MYOM3: variants seen among roughly 807,000 people sequenced by gnomAD.
MYOM3 encodes the protein myomesin-3.
In MYOM3, 155 loss-of-function variants were observed where a neutral mutation model predicts 191.7. The observed-to-expected ratio is 0.81, with a 90% CI of 0.71 to 0.92. MYOM3 has a LOEUF of 0.92. Among genes scored for constraint, MYOM3 ranks in the 40% least tolerant of loss-of-function variants. The pLI, the probability that MYOM3 is intolerant of heterozygous loss-of-function variation, is 0.00. For missense variants in MYOM3, 1,889 were observed against 1,890.6 expected, an observed-to-expected ratio of 1.00 and a Z score of 0.02; for synonymous variants, 757 against 762.9, an observed-to-expected ratio of 0.99 and a Z score of 0.13.
intron 5 of MYOM3, among the ~76,000 whole-genome samples, chr1:24,105,312 C>T (rs988803689): frequency 3.3e-5 from 5 of 152,384 alleles, no homozygotes; most frequent in Admixed American, 3.3e-4. Flanking sequence ...GCTGAGACCT[C>T]ACGCTGAGTG....
chr1:24,060,711 T>A (rs1643359890), intron 35 of MYOM3, among the ~76,000 whole-genome samples: 1 of 152,204 alleles, frequency 6.6e-6, no homozygotes, highest in South Asian at 2.1e-4. Flanking sequence ...GAGGCTCCAA[T>A]ACCTCGAGAG....
chr1:24,107,944 G>A, intron 3 of MYOM3, 49 bp downstream of exon 3: 1 of 1,534,926 alleles, frequency 6.5e-7, no homozygotes, highest in East Asian at 2.3e-5. Flanking sequence ...GGACTGGACA[G>A]GATGGCCCCT....
In MYOM3 at chr1:24,108,558, G is replaced by C. The variant is rs373675823; in HGVS notation, c.79C>G (p.Arg27Gly). ...QAMEVHRLEH[R>G]QEEEQKEERQ... ...TCCTCCTTCTGCTCCTCCTCCTGCC[G>C]GTGCTCCAGCCTGTGAACCTCCATG... The change falls in exon 2 of 37, where the codon CGG (arginine) becomes GGG (glycine). Residue 27 changes from arginine to glycine, a missense_variant. Physicochemically the swap from Arg to Gly is moderately radical, Grantham distance 125 (BLOSUM62 -2). Transcript: ENST00000374434. The C allele has an allele frequency of 1.3e-6, 2 of 1,579,038 alleles. No homozygotes were observed. Among genetic ancestry groups the C allele is most frequent in the Admixed American group, 3.7e-5 (2 of 54,772 alleles).
At chr1:24,103,496 A>G (rs1189138375) in intron 5 of MYOM3, among the ~76,000 whole-genome samples, 3 of 152,196 alleles carry the variant, frequency 2.0e-5, no homozygotes, top group Non-Finnish European at 2.9e-5. Context: ...AACAGGAATT[A>G]AAAGAAAGTA....
Position 24,071,993 on chromosome 1 carries a change from G to C in MYOM3, c.2989C>G (p.Leu997Val). ...CCTGGGTTTCTGATCTCATGACTCA[G>C]CTTCTTCAGCTTCTCCAGCTCTGGG... ...TEEELEKLKKLSHEIRNPVIK... is the reference protein window; with the variant it reads ...TEEELEKLKKVSHEIRNPVIK... Residue 997 changes from leucine to valine, a missense_variant, in exon 24 of 37, where the codon CTG becomes GTG. Transcript: ENST00000374434. 6.2e-7 allele frequency: 1 copy of C among 1,614,152 alleles called. No homozygotes were observed. The highest frequency in any genetic ancestry group is 8.5e-7 in the Non-Finnish European group (1 of 1,179,998).
chr1:24,058,129 T>A (rs1376433972), intron 36 of MYOM3, among the ~76,000 whole-genome samples: 1 of 152,204 alleles, frequency 6.6e-6, no homozygotes, highest in Non-Finnish European at 1.5e-5. Context: ...TCTACAGGAA[T>A]ACTTACCCAT....
In MYOM3 at chr1:24,057,411, T is replaced by G. The variant is rs747566666; in HGVS notation, c.4267A>C (p.Ser1423Arg). ...YGSETGQVTI[S>R]VFKHGDEPKE... is the part of the protein sequence containing the mutation. ...GGCTCGTCCCCGTGCTTGAACACACTGATGGTGACCTGGCCCGTCTCGGAG... is the reference window on the plus strand; with the variant it reads ...GGCTCGTCCCCGTGCTTGAACACACGGATGGTGACCTGGCCCGTCTCGGAG... The change falls in exon 37 of 37, where the codon AGT becomes CGT. Residue 1423 changes from serine (S) to arginine (R), a missense_variant. Physicochemically the swap from Ser to Arg is moderately radical, Grantham distance 110. Coordinates refer to ENST00000374434, the MANE Select transcript of MYOM3 (RefSeq NM_152372.4). The G allele has an allele frequency of 6.2e-7, 1 of 1,614,156 alleles. No individual in the cohort carries two copies. Among genetic ancestry groups the G allele is most frequent in the Non-Finnish European group, 8.5e-7 (1 of 1,180,042 alleles).
In MYOM3 at chr1:24,093,531, G is replaced by A. The variant is rs74061488; in HGVS notation, c.929-423C>T. Among the ~76,000 whole-genome samples the A allele has an allele frequency of 2.0e-4, 31 of 152,078 alleles. No individual in the cohort carries two copies. The South Asian group carries it at 5.6e-3, about 28-fold the overall frequency. On this transcript the variant is annotated intron_variant, in intron 9 of 36. Transcript: ENST00000374434. ...GTCTCACTGAGAGAGCTGGGGCCTC[G>A]GTGAGGCGGGTGGAGGACGTGTCGT... is the stretch of plus-strand genomic sequence containing the variant.
chr1:24,107,098 C>G lies in MYOM3; in HGVS notation c.377G>C (p.Arg126Pro). The stretch of plus-strand genomic sequence containing the variant: ...CCGCCGCCTCAGCGTCTTCCAGTCC[C>G]GCCTCTGGCGCAGCAGCCGGTGGGT... ...LQTHRLLRQRRDWKTLRRRTE... is the reference protein window; with the variant it reads ...LQTHRLLRQRPDWKTLRRRTE... The change falls in exon 4 of 37, where the codon CGG becomes CCG. Residue 126 changes from arginine to proline, a missense_variant. Physicochemically the swap from Arg to Pro is moderately radical, Grantham distance 103. Transcript: ENST00000374434. 6.2e-7 allele frequency: 1 copy of G among 1,611,324 alleles called. No homozygotes were observed. Among genetic ancestry groups the G allele is most frequent in the Non-Finnish European group, 8.5e-7 (1 of 1,179,042 alleles).
At chr1:24,071,020 A>G (rs1269158988) in intron 25 of MYOM3, 97 bp downstream of exon 25, 17 of 1,427,632 alleles carry the variant, frequency 1.2e-5, no homozygotes, top group Non-Finnish European at 1.6e-5. Flanking sequence ...TGAAATGGCC[A>G]CTAGGGGGAA....
intron 14 of MYOM3, among the ~76,000 whole-genome samples, chr1:24,089,005 C>T (rs1035973167): frequency 6.6e-6 from 1 of 152,062 alleles, no homozygotes; most frequent in Non-Finnish European, 1.5e-5. Flanking sequence ...TGCCATACTG[C>T]CCCCCCTCCA....
In MYOM3 at chr1:24,062,041, A is replaced by T; in HGVS notation, c.3839T>A (p.Ile1280Asn). ...GTTLDEIWLHILDPKDSDKGK... is the reference protein window; with the variant it reads ...GTTLDEIWLHNLDPKDSDKGK... ...CTTGTCTGAGTCTTTGGGGTCCAGG[A>T]TGTGAAGCCAGATCTCATCCAGGGT... Residue 1280 changes from isoleucine (I) to asparagine (N), a missense_variant, in exon 33 of 37, where the codon ATC becomes AAC. Physicochemically the swap from Ile to Asn is moderately radical, Grantham distance 149. Transcript: ENST00000374434. 1.9e-6 allele frequency: 3 copies of T among 1,614,120 alleles called. No homozygotes were observed. The highest frequency in any genetic ancestry group is 1.7e-6 in the Non-Finnish European group (2 of 1,180,022).
At chr1:24,062,344 G>A (rs192903030) in intron 32 of MYOM3, among the ~76,000 whole-genome samples, 1 of 152,150 alleles carries the variant, frequency 6.6e-6, no homozygotes, top group South Asian at 2.1e-4. Flanking sequence ...GCTGTCCTCT[G>A]TTCCCAGTGT....
At chr1:24,066,877 C>T (rs887823261) in intron 28 of MYOM3, 144 bp downstream of exon 28, 71 of 725,002 alleles carry the variant, frequency 9.8e-5, no homozygotes, top group Non-Finnish European at 1.4e-4. Flanking sequence ...GTGGTCTCCT[C>T]GGGGGTACTT....
At position 24,075,447 on chromosome 1, in the gene MYOM3, A is replaced by C. The variant is rs944379478; in HGVS notation, c.2730T>G (p.Asp910Glu). 1 of 1,596,568 alleles carries C rather than the reference A, an allele frequency of 6.3e-7. No individual in the cohort carries two copies. The part of the protein sequence containing the change: ...PGAHEIEVGV[D>E]EEGFIYLAFE... ...AAGCCAAATAGATAAAGCCCTCTTC[A>C]TCCACACCAACCTCGATCTCATGGG... is the stretch of plus-strand genomic sequence containing the variant. The change falls in exon 22 of 37, where the codon GAT becomes GAG. Residue 910 changes from aspartate to glutamate, a missense_variant. Transcript: ENST00000374434.
At position 24,075,487 on chromosome 1, in the gene MYOM3, A is replaced by T; in HGVS notation, c.2702-12T>A. The T allele has an allele frequency of 6.4e-7, 1 of 1,552,210 alleles. No homozygotes were observed. The highest frequency in any genetic ancestry group is 1.2e-5 in the South Asian group (1 of 80,544). On this transcript the variant is annotated splice_polypyrimidine_tract_variant and intron_variant, in intron 21 of 36. Transcript: ENST00000374434. ...GATCTCATGGGCACCTGAGGGCGAG[A>T]TCCAACAGAGGGCAGCGGATGTTTA...
chr1:24,070,543 A>T, intron 25 of MYOM3, among the ~76,000 whole-genome samples: 1 of 152,140 alleles, frequency 6.6e-6, no homozygotes, highest in East Asian at 1.9e-4. Context: ...AGCTGAGATC[A>T]TGCCACTGCA....
intron 20 of MYOM3, among the ~76,000 whole-genome samples, chr1:24,079,468 G>A (rs1279293000): frequency 1.3e-5 from 2 of 151,884 alleles, no homozygotes; most frequent in Non-Finnish European, 2.9e-5. Flanking sequence ...TCAGAGTGCT[G>A]AGATTAAAGG....
At chr1:24,084,775 G>C (rs1643715762) in intron 15 of MYOM3, 136 bp from the exon 16 acceptor site, 3 of 793,182 alleles carry the variant, frequency 3.8e-6, no homozygotes, top group South Asian at 3.4e-5. Flanking sequence ...TGACCTGCTG[G>C]GGGCTTTGGG....
Sources: allele counts gnomAD v4.1 joint callset (sites outside exome capture counted in the v4.1 genomes callset), GRCh38; gene constraint gnomAD v4.1.1; transcripts MANE v1.5; gene names NCBI Gene and HGNC (gene_info 2026-07-23, HGNC 2026-07-21).